Variants in SCAPER observed in about 807,000 individuals in gnomAD.
SCAPER encodes S phase cyclin A-associated protein in the endoplasmic reticulum.
In SCAPER, 98 loss-of-function variants were observed where a neutral mutation model predicts 182.2. That is an observed-to-expected ratio of 0.54 (90% confidence interval 0.46 to 0.64). SCAPER has a LOEUF of 0.64. SCAPER is among the 30% of genes least tolerant of loss of function. SCAPER has a pLI of 0.00. For missense variants in SCAPER, 1,432 were observed against 1,690.0 expected (o/e 0.85, Z 2.68); for synonymous variants, 605 against 564.6 (o/e 1.07, Z -1.01).
chr15:76,733,524 G>A (rs890298537), intron 15 of SCAPER, 140 bp from the exon 16 acceptor site: 25 of 946,324 alleles, frequency 2.6e-5, no homozygotes, highest in Admixed American at 8.8e-5. Context: ...TGAGGAAGGC[G>A]GATCACCTGA....
chr15:76,488,714 C>CTTTTTTTTTTTTTTTTTTTTTTTTTTTTT lies in SCAPER; in HGVS notation c.2954+16116_2954+16144dup, dbSNP rs71143333. ...TTGCATCCTGATAACAGTACACTGC[C>CTTTTTTTTTTTTTTTTTTTTTTTTTTTTT]TTTTTTTTTTTTTTTTTTTTTTTTT... On this transcript the variant is annotated intron_variant, in intron 24 of 31. Coordinates refer to ENST00000563290, the MANE Select transcript of SCAPER (RefSeq NM_020843.4). Among the ~76,000 whole-genome samples the CTTTTTTTTTTTTTTTTTTTTTTTTTTTTT allele has an allele frequency of 5.8e-4, 54 of 93,124 alleles. 5 individuals are homozygous for CTTTTTTTTTTTTTTTTTTTTTTTTTTTTT. Among genetic ancestry groups the CTTTTTTTTTTTTTTTTTTTTTTTTTTTTT allele is most frequent in the Admixed American group, 9.5e-4 (8 of 8,460 alleles). 61.1% of individuals were successfully genotyped at this position (93,124 alleles called of 152,430 possible).
intron 17 of SCAPER, among the ~76,000 whole-genome samples, chr15:76,709,615 C>G (rs1350270691): frequency 6.6e-6 from 1 of 152,214 alleles, no homozygotes; most frequent in Non-Finnish European, 1.5e-5. Flanking sequence ...GATGGCTTTA[C>G]TGGTAAATTC....
At chr15:76,373,191 G>A (rs1301216447) in intron 29 of SCAPER, among the ~76,000 whole-genome samples, 1 of 151,862 alleles carries the variant, frequency 6.6e-6, no homozygotes, top group Non-Finnish European at 1.5e-5. Flanking sequence ...GGGATTTCAG[G>A]CGCCTGCCAT....
intron 23 of SCAPER, among the ~76,000 whole-genome samples, chr15:76,517,487 C>A (rs1597151945): frequency 6.6e-6 from 1 of 151,634 alleles, no homozygotes; most frequent in Non-Finnish European, 1.5e-5. Context: ...GTAGCTGGGA[C>A]TACAGGCATG....
chr15:76,689,075 C>T (rs2058202190), intron 20 of SCAPER, among the ~76,000 whole-genome samples: 1 of 151,960 alleles, frequency 6.6e-6, no homozygotes, highest in African/African-American at 2.4e-5. Context: ...GTCTCGATCT[C>T]CTGACCTAGT....
At chr15:76,703,579 T>A (rs1396344767) in intron 18 of SCAPER, among the ~76,000 whole-genome samples, 1 of 152,172 alleles carries the variant, frequency 6.6e-6, no homozygotes, top group African/African-American at 2.4e-5. Context: ...ATCTATTTGA[T>A]ATGGCTAGAA....
At chr15:76,526,626 T>C (rs547484026) in intron 23 of SCAPER, among the ~76,000 whole-genome samples, 3 of 152,272 alleles carry the variant, frequency 2.0e-5, no homozygotes, top group South Asian at 2.1e-4. Flanking sequence ...TTTTAAGATA[T>C]AGTCCTTAAT....
chr15:76,591,358 AATAAAGTTC>A (rs2049094512), intron 22 of SCAPER, among the ~76,000 whole-genome samples: 1 of 152,272 alleles, frequency 6.6e-6, no homozygotes. Flanking sequence ...ATGTCATATA[AATAAAGTTC>A]TTGTCTGTGG....
intron 22 of SCAPER, among the ~76,000 whole-genome samples, chr15:76,610,032 G>A (rs902530232): frequency 3.3e-5 from 5 of 152,134 alleles, no homozygotes; most frequent in East Asian, 1.9e-4. Flanking sequence ...TGGTAAAAAC[G>A]GAATGCTCTG....
intron 1 of SCAPER, among the ~76,000 whole-genome samples, chr15:76,888,778 C>G (rs1253380541): frequency 1.3e-5 from 2 of 152,092 alleles, no homozygotes; most frequent in Non-Finnish European, 2.9e-5. Context: ...GGAGAACTTC[C>G]CCAACCTAGC....
chr15:76,752,379 G>C (rs1256745707), intron 15 of SCAPER, among the ~76,000 whole-genome samples: 1 of 151,608 alleles, frequency 6.6e-6, no homozygotes, highest in Non-Finnish European at 1.5e-5. Flanking sequence ...TCCAATTCTG[G>C]GTATATACCC....
At chr15:76,471,098 CT>C (rs370029906) in intron 25 of SCAPER, 113 bp downstream of exon 25, 22,082 of 508,312 alleles carry the variant, frequency 0.043, 33 homozygotes, top group East Asian at 0.1. Context: ...TCTTCTTCTT[CT>C]TTTTTTTTTT....
chr15:76,561,002 T>C (rs987482502), intron 23 of SCAPER, among the ~76,000 whole-genome samples: 10 of 152,188 alleles, frequency 6.6e-5, no homozygotes, highest in African/African-American at 1.9e-4. Flanking sequence ...TCAGGATCCA[T>C]ACACGGGCAA....
chr15:76,900,487 T>A lies in SCAPER; in HGVS notation c.-60+4812A>T, dbSNP rs189463054. On this transcript the variant is annotated intron_variant, in intron 1 of 31. Transcript: ENST00000563290. Reference sequence around the variant, plus strand: ...AAAAAAACAGTGGCCAAGCAGAAAGTGGAGCACCCAAAAAAACAAAGAATA... The same window carrying A: ...AAAAAAACAGTGGCCAAGCAGAAAGAGGAGCACCCAAAAAAACAAAGAATA... Among the ~76,000 whole-genome samples the A allele has an allele frequency of 2.4e-3, 366 of 151,412 alleles. 2 individuals carry two copies. The highest frequency in any genetic ancestry group is 8.5e-3 in the African/African-American group (349 of 41,186).
At chr15:76,565,307 T>A (rs1482935140) in intron 23 of SCAPER, among the ~76,000 whole-genome samples, 8 of 152,092 alleles carry the variant, frequency 5.3e-5, no homozygotes, top group Admixed American at 6.5e-5. Flanking sequence ...AACTTTTTTT[T>A]AATAAGGAAC....
chr15:76,636,056 A>C (rs1385364004), intron 21 of SCAPER, among the ~76,000 whole-genome samples: 1 of 152,214 alleles, frequency 6.6e-6, no homozygotes, highest in Non-Finnish European at 1.5e-5. Context: ...TAGCAGTGTT[A>C]TGCTGATTTT....
chr15:76,834,794 A>G (rs1202257250), intron 5 of SCAPER, among the ~76,000 whole-genome samples: 1 of 152,174 alleles, frequency 6.6e-6, no homozygotes, highest in African/African-American at 2.4e-5. Flanking sequence ...CCAACTGGAA[A>G]ACCTAAAAGA....
intron 23 of SCAPER, among the ~76,000 whole-genome samples, chr15:76,524,549 T>A (rs542974268): frequency 2.0e-5 from 3 of 152,218 alleles, no homozygotes; most frequent in African/African-American, 7.2e-5. Context: ...TACATCTTAC[T>A]GCATATTTTT....
intron 22 of SCAPER, among the ~76,000 whole-genome samples, chr15:76,607,133 A>G (rs1302060425): frequency 2.6e-5 from 4 of 152,176 alleles, no homozygotes; most frequent in Admixed American, 1.3e-4. Context: ...ACAATTTGGC[A>G]TGTTTTTGCA....
Sources: allele counts gnomAD v4.1 joint callset (sites outside exome capture counted in the v4.1 genomes callset), GRCh38; gene constraint gnomAD v4.1.1; transcripts MANE v1.5; gene names NCBI Gene and HGNC (gene_info 2026-07-23, HGNC 2026-07-21).